The following FSTL4 variants were observed in gnomAD, a reference collection of about 807,000 sequenced individuals.
FSTL4 encodes the protein follistatin-related protein 4.
In FSTL4, 28 loss-of-function variants were observed where a neutral mutation model predicts 78.2. That is an observed-to-expected ratio of 0.36 (90% CI 0.27 to 0.49). FSTL4 has a LOEUF of 0.49. Among genes scored for constraint, FSTL4 ranks in the 20% least tolerant of loss-of-function variants. FSTL4 has a pLI of 0.98. For synonymous variants in FSTL4, 422 were observed against 440.5 expected (o/e 0.96, Z 0.53); for missense variants, 922 against 1,084.9 (o/e 0.85, Z 2.11).
At chr5:133,570,886 C>G (rs922138957) in intron 2 of FSTL4, among the ~76,000 whole-genome samples, 2 of 152,068 alleles carry the variant, frequency 1.3e-5, no homozygotes, top group Non-Finnish European at 2.9e-5. Flanking sequence ...ATATAATATT[C>G]TAGAACTTAG....
At chr5:133,212,045 T>C (rs564017266) in intron 13 of FSTL4, among the ~76,000 whole-genome samples, 1 of 152,344 alleles carries the variant, frequency 6.6e-6, no homozygotes, top group East Asian at 1.9e-4. Context: ...AGACTTTACA[T>C]ACCCCGAGGC....
intron 3 of FSTL4, among the ~76,000 whole-genome samples, chr5:133,502,368 C>T (rs1474802671): frequency 1.3e-5 from 2 of 152,106 alleles, no homozygotes; most frequent in Non-Finnish European, 2.9e-5. Flanking sequence ...AGATGGAGAG[C>T]CACACGGGAA....
At chr5:133,614,931 A>G (rs1180901617), upstream of FSTL4, among the ~76,000 whole-genome samples, 1 of 152,212 alleles carries the variant, frequency 6.6e-6, no homozygotes, top group Non-Finnish European at 1.5e-5. Flanking sequence ...TAAGCAACCC[A>G]AATATTTTTT....
chr5:133,773,154 C>T, the FSTL4 span, among the ~76,000 whole-genome samples: 1 of 151,040 alleles, frequency 6.6e-6, no homozygotes, highest in South Asian at 2.1e-4. Context: ...TTTTTAATTA[C>T]AATTTTACCT....
At chr5:133,350,968 T>C (rs535373499) in intron 4 of FSTL4, among the ~76,000 whole-genome samples, 8 of 152,364 alleles carry the variant, frequency 5.3e-5, no homozygotes, top group Admixed American at 6.5e-5. Flanking sequence ...CTTATCTGAA[T>C]GGCAATGTGT....
intron 7 of FSTL4, 144 bp from the exon 8 acceptor site, chr5:133,233,681 G>A (rs1293249794): frequency 2.1e-6 from 2 of 949,126 alleles, no homozygotes; most frequent in African/African-American, 1.7e-5. Context: ...GCTGTCTGCA[G>A]GGGTGAGCCG....
chr5:133,251,199 G>T (rs1752223707), intron 6 of FSTL4, among the ~76,000 whole-genome samples: 1 of 152,252 alleles, frequency 6.6e-6, no homozygotes, highest in Non-Finnish European at 1.5e-5. Flanking sequence ...AGAGGGGAAA[G>T]AGAGAGAATG....
At chr5:133,570,761 A>T (rs1004879091) in intron 2 of FSTL4, among the ~76,000 whole-genome samples, 3 of 152,232 alleles carry the variant, frequency 2.0e-5, no homozygotes, top group African/African-American at 7.2e-5. Context: ...CAGCAACAAA[A>T]GCAGCCAGAA....
chr5:133,527,676 A>G (rs1223988174), intron 3 of FSTL4, among the ~76,000 whole-genome samples: 2 of 152,196 alleles, frequency 1.3e-5, no homozygotes, highest in East Asian at 3.9e-4. Context: ...CATTATAGAA[A>G]TATTCTCCCC....
chr5:133,592,327 C>T (rs936970851), intron 2 of FSTL4, among the ~76,000 whole-genome samples: 2 of 152,194 alleles, frequency 1.3e-5, no homozygotes, highest in African/African-American at 2.4e-5. Flanking sequence ...CATAATCCCA[C>T]GGTGAGATAT....
At chr5:133,489,122 T>C (rs1758204565) in intron 3 of FSTL4, among the ~76,000 whole-genome samples, 1 of 152,290 alleles carries the variant, frequency 6.6e-6, no homozygotes. Flanking sequence ...CCCAGAAGCA[T>C]CCAAAATTCT....
intron 12 of FSTL4, 68 bp downstream of exon 12, chr5:133,220,680 G>C (rs1421038273): frequency 2.3e-6 from 2 of 862,690 alleles, no homozygotes; most frequent in Middle Eastern, 2.2e-4. Flanking sequence ...GGCATGCCTG[G>C]TTAAAGATAG....
chr5:133,638,239 T>C, the FSTL4 span, among the ~76,000 whole-genome samples: 1 of 152,086 alleles, frequency 6.6e-6, no homozygotes, highest in Non-Finnish European at 1.5e-5. Flanking sequence ...CAGGCCACCA[T>C]CAACTCTCAG....
chr5:133,310,994 G>A (rs1753765515), intron 6 of FSTL4, among the ~76,000 whole-genome samples: 1 of 152,144 alleles, frequency 6.6e-6, no homozygotes, highest in South Asian at 2.1e-4. Flanking sequence ...TGACATGCAG[G>A]TCAATGTATA....
At chr5:133,594,286 G>A (rs1267921741) in intron 2 of FSTL4, among the ~76,000 whole-genome samples, 1 of 152,196 alleles carries the variant, frequency 6.6e-6, no homozygotes, top group African/African-American at 2.4e-5. Context: ...CGCCTCCTGG[G>A]TTTAAGCGAT....
chr5:133,449,945 C>A (rs1308817974), intron 3 of FSTL4, among the ~76,000 whole-genome samples: 1 of 152,168 alleles, frequency 6.6e-6, no homozygotes, highest in African/African-American at 2.4e-5. Context: ...TGGGGACACA[C>A]TGTGGTCAGT....
At chr5:133,685,329 A>G in the FSTL4 span, among the ~76,000 whole-genome samples, 1 of 152,176 alleles carries the variant, frequency 6.6e-6, no homozygotes, top group South Asian at 2.1e-4. Flanking sequence ...GGCTCCTCGG[A>G]AGAAACATGA....
At chr5:133,345,631 CAT>C (rs1179719055) in intron 4 of FSTL4, among the ~76,000 whole-genome samples, 2 of 152,054 alleles carry the variant, frequency 1.3e-5, no homozygotes, top group Non-Finnish European at 2.9e-5. Context: ...GGCCAACAAA[CAT>C]ATGAAAAAAA....
the FSTL4 span, among the ~76,000 whole-genome samples, chr5:133,707,348 C>T: frequency 2.0e-5 from 3 of 152,190 alleles, no homozygotes; most frequent in African/African-American, 7.2e-5. Flanking sequence ...CCACAAAATC[C>T]TCTGGAGCCT....
Sources: gnomAD v4.1 joint callset for allele counts (sites outside exome capture counted in the v4.1 genomes callset) on GRCh38, gnomAD v4.1.1 for gene constraint, MANE v1.5 for transcripts, NCBI Gene and HGNC (gene_info 2026-07-23, HGNC 2026-07-21) for gene names.